Variants in DACH1 observed in about 807,000 individuals in gnomAD.
DACH1 encodes the protein dachshund family transcription factor 1.
DACH1 carries 12 observed loss-of-function variants against 54.2 expected under a neutral mutation model. That is an observed-to-expected ratio of 0.22 (90% CI 0.14 to 0.36). DACH1 has a LOEUF of 0.36. Among genes scored for constraint, DACH1 ranks in the 10% least tolerant of loss-of-function variants. The pLI, the probability that DACH1 is intolerant of heterozygous loss-of-function variation, is 1.00. For missense variants in DACH1, 805 were observed against 929.8 expected (o/e 0.87, Z 1.75); for synonymous variants, 386 against 366.2 (o/e 1.05, Z -0.62).
chr13:71,633,690 T>C lies in DACH1; in HGVS notation c.965-2973A>G, dbSNP rs555467645. On this transcript the variant is annotated intron_variant, in intron 2 of 10. Transcript: ENST00000613252. ...ATATTCTACTTTTAGCCCAGTTTTA[T>C]GAAAGCAGAAAGCAAGCTATGACAT... 2.0e-5 allele frequency among the ~76,000 whole-genome samples: 3 copies of C among 152,292 alleles called. No homozygotes were observed. In the South Asian group the frequency reaches 6.2e-4, roughly 32 times the overall value.
chr13:71,579,450 T>C (rs1275585992), intron 3 of DACH1, among the ~76,000 whole-genome samples: 1 of 152,048 alleles, frequency 6.6e-6, no homozygotes, highest in Non-Finnish European at 1.5e-5. Flanking sequence ...AAACAAACCG[T>C]AAAATCAGAT....
chr13:71,754,345 T>C (rs1463151074), intron 1 of DACH1, among the ~76,000 whole-genome samples: 2 of 152,180 alleles, frequency 1.3e-5, no homozygotes, highest in African/African-American at 4.8e-5. Flanking sequence ...CTACAAATAA[T>C]AATTTACCTT....
intron 7 of DACH1, among the ~76,000 whole-genome samples, chr13:71,480,366 T>C (rs1877921745): frequency 6.6e-6 from 1 of 152,200 alleles, no homozygotes; most frequent in Non-Finnish European, 1.5e-5. Context: ...AGTTTATTCA[T>C]ACAACTAATG....
intron 6 of DACH1, among the ~76,000 whole-genome samples, chr13:71,544,338 T>C (rs189116712): frequency 1.3e-5 from 2 of 152,288 alleles, no homozygotes; most frequent in Admixed American, 1.3e-4. Flanking sequence ...TAGTCTTCAT[T>C]ATCATTGATT....
At chr13:71,828,642 T>C (rs1165669752) in intron 1 of DACH1, among the ~76,000 whole-genome samples, 1 of 151,998 alleles carries the variant, frequency 6.6e-6, no homozygotes, top group Non-Finnish European at 1.5e-5. Context: ...AAATGTTCTT[T>C]GTTTTTCACA....
At chr13:71,616,376 T>C (rs1350723810) in intron 3 of DACH1, among the ~76,000 whole-genome samples, 1 of 152,178 alleles carries the variant, frequency 6.6e-6, no homozygotes, top group East Asian at 1.9e-4. Flanking sequence ...ACTGGAACAG[T>C]ATTGTAGCCT....
Position 71,774,456 on chromosome 13 carries a change from A to G in DACH1, c.848+91466T>C, listed in dbSNP as rs148195598. On this transcript the variant is annotated intron_variant, in intron 1 of 10. Transcript: ENST00000613252. ...TGTGAGACACTGTAGGTTTCAAGGT[A>G]GAAGTGATGAAGTCCTGCCATCCCA... 6.2e-3 allele frequency among the ~76,000 whole-genome samples: 948 copies of G among 152,246 alleles called. 12 individuals are homozygous for G. Among genetic ancestry groups the G allele is most frequent in the African/African-American group, 0.021 (889 of 41,556 alleles).
intron 1 of DACH1, among the ~76,000 whole-genome samples, chr13:71,864,861 C>T (rs1201746730): frequency 1.3e-5 from 2 of 151,968 alleles, no homozygotes; most frequent in African/African-American, 4.8e-5. Context: ...CTGGGGAAGC[C>T]AAGGCACAGA....
rs34856567 is a variant in DACH1, at chr13:71,738,731, C to CAAAAA, written c.849-56826_849-56822dup. Reference sequence around the variant, plus strand: ...TGGGCAACAGAGCGAGACTCTGTCTCAAAAAAAAAAAAAAAAAAAAAAAAA... The same window carrying CAAAAA: ...TGGGCAACAGAGCGAGACTCTGTCTCAAAAAAAAAAAAAAAAAAAAAAAAAAAAAA... On this transcript the variant is annotated intron_variant, in intron 1 of 10. Transcript: ENST00000613252. Among the ~76,000 whole-genome samples the CAAAAA allele has an allele frequency of 8.4e-3, 202 of 24,060 alleles. 43 individuals are homozygous for CAAAAA. Among genetic ancestry groups the CAAAAA allele is most frequent in the Middle Eastern group, 0.083 (1 of 12 alleles). The allele number at this position is 24,060 out of a possible 152,430, so 15.8% of individuals were successfully genotyped here.
intron 4 of DACH1, among the ~76,000 whole-genome samples, chr13:71,568,220 A>C (rs1885004944): frequency 6.6e-6 from 1 of 152,088 alleles, no homozygotes; most frequent in Non-Finnish European, 1.5e-5. Context: ...CCTAACACAA[A>C]TAAAAGATGA....
At chr13:71,748,209 G>A (rs1157429749) in intron 1 of DACH1, among the ~76,000 whole-genome samples, 1 of 151,614 alleles carries the variant, frequency 6.6e-6, no homozygotes, top group Non-Finnish European at 1.5e-5. Context: ...AAACAATGTT[G>A]AGGGGGGGAA....
At chr13:71,480,603 C>CT (rs1190104631) in intron 7 of DACH1, among the ~76,000 whole-genome samples, 1 of 152,008 alleles carries the variant, frequency 6.6e-6, no homozygotes, top group African/African-American at 2.4e-5. Flanking sequence ...GATATTTTGC[C>CT]TTGGTCTGTG....
At chr13:71,563,507 T>C (rs1003684947) in intron 4 of DACH1, among the ~76,000 whole-genome samples, 1 of 151,966 alleles carries the variant, frequency 6.6e-6, no homozygotes, top group South Asian at 2.1e-4. Context: ...TAATTCCTTG[T>C]TTATTTTAAC....
intron 10 of DACH1, among the ~76,000 whole-genome samples, chr13:71,446,371 A>G (rs1874465939): frequency 6.6e-6 from 1 of 152,212 alleles, no homozygotes; most frequent in South Asian, 2.1e-4. Context: ...AAAGCTTTAC[A>G]TTAAGATTAA....
chr13:71,453,126 C>G (rs1409174989), intron 10 of DACH1, among the ~76,000 whole-genome samples: 2 of 152,140 alleles, frequency 1.3e-5, no homozygotes, highest in Non-Finnish European at 2.9e-5. Flanking sequence ...GTACTTTGCA[C>G]TTAGGTTACC....
intron 6 of DACH1, among the ~76,000 whole-genome samples, chr13:71,512,277 C>T (rs1230709251): frequency 1.3e-5 from 2 of 151,746 alleles, no homozygotes; most frequent in Non-Finnish European, 2.9e-5. Flanking sequence ...TACTGCCTAG[C>T]CTTCTCTGCA....
chr13:71,638,944 C>A (rs1185591101), intron 2 of DACH1, among the ~76,000 whole-genome samples: 1 of 152,118 alleles, frequency 6.6e-6, no homozygotes, highest in Non-Finnish European at 1.5e-5. Context: ...TTCAATTCAA[C>A]AGTCATTACT....
intron 1 of DACH1, among the ~76,000 whole-genome samples, chr13:71,817,404 A>T (rs995463513): frequency 1.3e-4 from 20 of 152,200 alleles, no homozygotes; most frequent in Non-Finnish European, 2.6e-4. Context: ...ATACAATGTG[A>T]TCCTGCCAGT....
intron 1 of DACH1, among the ~76,000 whole-genome samples, chr13:71,768,084 A>G (rs376977539): frequency 6.6e-6 from 1 of 151,974 alleles, no homozygotes; most frequent in Admixed American, 6.6e-5. Context: ...AATGTTAAGT[A>G]TATTCTCATT....
Sources: allele counts gnomAD v4.1 joint callset (sites outside exome capture counted in the v4.1 genomes callset), GRCh38; gene constraint gnomAD v4.1.1; transcripts MANE v1.5; gene names NCBI Gene and HGNC (gene_info 2026-07-23, HGNC 2026-07-21).